The following DIP2C variants were observed in gnomAD, a reference collection of about 807,000 sequenced individuals.
DIP2C encodes DIP2 acetate--CoA ligase C (putative).
Under a neutral mutation model 192.4 loss-of-function variants are expected in DIP2C, and 33 were observed. The observed-to-expected ratio is 0.17, with a 90% confidence interval of 0.13 to 0.23. The LOEUF is 0.23. Ranked by LOEUF, DIP2C falls within the 10% of genes least tolerant of loss-of-function variation. DIP2C has a pLI of 1.00. For missense variants in DIP2C, 1,537 were observed against 2,110.1 expected, an observed-to-expected ratio of 0.73 and a Z score of 5.32; for synonymous variants, 979 against 864.1, an observed-to-expected ratio of 1.13 and a Z score of -2.33.
chr10:297,951 G>A (rs768269511), intron 32 of DIP2C, among the ~76,000 whole-genome samples: 164 of 152,236 alleles, frequency 1.1e-3, no homozygotes, highest in Admixed American at 1.7e-3. Flanking sequence ...ACACTTTTTA[G>A]GAGTTTCAGA....
chr10:353,359 CA>C (rs1206963301), intron 24 of DIP2C, among the ~76,000 whole-genome samples: 3 of 152,166 alleles, frequency 2.0e-5, no homozygotes, highest in African/African-American at 7.2e-5. Flanking sequence ...TAAAAAAGGT[CA>C]AAAGAGTTGG....
intron 6 of DIP2C, 80 bp from the exon 7 acceptor site, chr10:415,968 C>A: frequency 6.3e-7 from 1 of 1,592,170 alleles, no homozygotes; most frequent in Non-Finnish European, 8.6e-7. Context: ...GTCCCACAGC[C>A]CCCTCCCCAG....
chr10:483,541 C>CA (rs1377017786), intron 2 of DIP2C, among the ~76,000 whole-genome samples: 1 of 152,250 alleles, frequency 6.6e-6, no homozygotes, highest in Non-Finnish European at 1.5e-5. Context: ...GTCTGGGCCT[C>CA]AATCAGGCGG....
At chr10:304,150 C>CT (rs549386938) in intron 32 of DIP2C, among the ~76,000 whole-genome samples, 4 of 152,298 alleles carry the variant, frequency 2.6e-5, no homozygotes, top group African/African-American at 9.6e-5. Flanking sequence ...TTATCACAGT[C>CT]CAGTATTATG....
At chr10:357,759 G>C in intron 23 of DIP2C, 69 bp downstream of exon 23, 1 of 1,218,736 alleles carries the variant, frequency 8.2e-7, no homozygotes, top group Non-Finnish European at 1.2e-6. Context: ...GTCGGGGATG[G>C]TCGCAGATGG....
intron 1 of DIP2C, among the ~76,000 whole-genome samples, chr10:513,737 A>C (rs991776583): frequency 6.6e-6 from 1 of 152,086 alleles, no homozygotes; most frequent in African/African-American, 2.4e-5. Context: ...AAAACCAAAA[A>C]CTCACGTTAG....
chr10:513,541 T>C, intron 1 of DIP2C, among the ~76,000 whole-genome samples: 1 of 152,094 alleles, frequency 6.6e-6, no homozygotes, highest in East Asian at 1.9e-4. Flanking sequence ...AGCCCATGCT[T>C]CTTGTCCACC....
At chr10:506,145 C>T (rs1326013250) in intron 1 of DIP2C, among the ~76,000 whole-genome samples, 1 of 152,144 alleles carries the variant, frequency 6.6e-6, no homozygotes, top group Non-Finnish European at 1.5e-5. Context: ...GCTCGTTACC[C>T]TTCGGAAGAC....
At chr10:514,199 AC>A (rs1253072632) in intron 1 of DIP2C, among the ~76,000 whole-genome samples, 1 of 146,858 alleles carries the variant, frequency 6.8e-6, no homozygotes, top group East Asian at 2.0e-4. Context: ...CTGAAGAACC[AC>A]CCCCCTTCCT....
chr10:402,694 A>C (rs1180855440), intron 9 of DIP2C, among the ~76,000 whole-genome samples: 1 of 19,080 alleles, frequency 5.2e-5, no homozygotes, highest in African/African-American at 5.6e-5. Flanking sequence ...GTATGTGTTC[A>C]TCAGCACATG....
intron 2 of DIP2C, among the ~76,000 whole-genome samples, chr10:477,732 A>G (rs1371878533): frequency 1.5e-5 from 2 of 132,826 alleles, no homozygotes; most frequent in Non-Finnish European, 3.3e-5. Context: ...AAAGAGAAGG[A>G]AAGAAAGAAC....
At chr10:544,152 G>A in intron 1 of DIP2C, among the ~76,000 whole-genome samples, 1 of 151,108 alleles carries the variant, frequency 6.6e-6, no homozygotes, top group Admixed American at 6.6e-5. Context: ...GTGACCTTTG[G>A]TGTGACCTTT....
rs1714179265 is a variant in DIP2C at position 310,069 on chromosome 10, G to A, written c.3948C>T (p.Thr1316=). 6.2e-7 allele frequency: 1 copy of A among 1,614,190 alleles called. No homozygotes were observed. The highest frequency in any genetic ancestry group is 1.7e-5 in the Admixed American group (1 of 60,024). Reference sequence around the variant, plus strand: ...GGGCTCTCATGTCCACGTAGACAGTGGTTGGGTCAGGTCCTGAGGTTCCCT... The same window carrying A: ...GGGCTCTCATGTCCACGTAGACAGTAGTTGGGTCAGGTCCTGAGGTTCCCT... The part of the protein sequence containing the change: ...CLQGTSGPDP[T]TVYVDMRALR... The change falls in exon 32 of 37, where the codon ACC becomes ACT. Residue 1316 remains threonine, a synonymous_variant. Coordinates refer to ENST00000280886, the MANE Select transcript of DIP2C (RefSeq NM_014974.3).
chr10:350,804 G>A (rs569830396), intron 24 of DIP2C, among the ~76,000 whole-genome samples: 23 of 152,052 alleles, frequency 1.5e-4, no homozygotes, highest in African/African-American at 5.1e-4. Context: ...ACACCAACAC[G>A]CCCAACTAAT....
chr10:472,787 C>T (rs901091795), intron 2 of DIP2C, among the ~76,000 whole-genome samples: 2 of 152,160 alleles, frequency 1.3e-5, no homozygotes, highest in Admixed American at 1.3e-4. Context: ...CACAAAGGTC[C>T]ACTGACAGGC....
chr10:557,407 G>C (rs556134310), intron 1 of DIP2C, among the ~76,000 whole-genome samples: 9 of 151,792 alleles, frequency 5.9e-5, no homozygotes, highest in African/African-American at 1.9e-4. Context: ...GTTGCCTTAA[G>C]CCACTAGGTT....
intron 1 of DIP2C, among the ~76,000 whole-genome samples, chr10:606,244 C>A (rs111814064): frequency 2.4e-3 from 362 of 152,344 alleles, no homozygotes; most frequent in African/African-American, 8.3e-3. Context: ...CACCCACCCC[C>A]CCAGAGGACC....
intron 1 of DIP2C, among the ~76,000 whole-genome samples, chr10:574,415 A>AACATGCTAACG (rs1850019572): frequency 6.6e-6 from 1 of 152,250 alleles, no homozygotes; most frequent in African/African-American, 2.4e-5. Context: ...GCAATATTTC[A>AACATGCTAACG]ACATGCTAAC....
At chr10:284,167 G>A (rs1002384752) in intron 34 of DIP2C, among the ~76,000 whole-genome samples, 2 of 152,148 alleles carry the variant, frequency 1.3e-5, no homozygotes, top group African/African-American at 4.8e-5. Context: ...AGACATTCTG[G>A]GCTTGGCTGT....
Sources: allele counts gnomAD v4.1 joint callset (sites outside exome capture counted in the v4.1 genomes callset), GRCh38; gene constraint gnomAD v4.1.1; transcripts MANE v1.5; gene names NCBI Gene and HGNC (gene_info 2026-07-23, HGNC 2026-07-21).